LOC128462377: variants seen among roughly 807,000 people sequenced by gnomAD.
the LOC128462377 span, among the ~76,000 whole-genome samples, chr16:89,402,688 G>C: frequency 1.1e-4 from 17 of 149,744 alleles, no homozygotes; most frequent in Non-Finnish European, 1.8e-4. Flanking sequence ...TGCGGGAGGA[G>C]GTGAGGTGGC....
chr16:89,381,067 C>G, the LOC128462377 span, among the ~76,000 whole-genome samples: 1 of 152,100 alleles, frequency 6.6e-6, no homozygotes, highest in Admixed American at 6.5e-5. Flanking sequence ...TCAGGCCTGT[C>G]ATCCCAGCAC....
At chr16:89,329,489 C>T in the LOC128462377 span, among the ~76,000 whole-genome samples, 794 of 152,224 alleles carry the variant, frequency 5.2e-3, 5 homozygotes, top group African/African-American at 0.018. Flanking sequence ...GTTTCCCCAA[C>T]GGTATACGTT....
chr16:89,382,521 T>C, the LOC128462377 span, among the ~76,000 whole-genome samples: 5 of 151,902 alleles, frequency 3.3e-5, no homozygotes, highest in Non-Finnish European at 5.9e-5. Flanking sequence ...GAGACGGGAT[T>C]TCACCATGTT....
the LOC128462377 span, among the ~76,000 whole-genome samples, chr16:89,334,164 A>C: frequency 6.9e-6 from 1 of 144,830 alleles, no homozygotes; most frequent in Non-Finnish European, 1.5e-5. Context: ...AAAAAAAAAA[A>C]AAAAAAAAAC....
At chr16:89,356,713 C>T in the LOC128462377 span, among the ~76,000 whole-genome samples, 2 of 145,018 alleles carry the variant, frequency 1.4e-5, no homozygotes, top group South Asian at 4.3e-4. Flanking sequence ...CCCGGGAGGC[C>T]GAGCTTGCAG....
chr16:89,380,164 G>A, the LOC128462377 span, among the ~76,000 whole-genome samples: 11 of 152,230 alleles, frequency 7.2e-5, no homozygotes, highest in East Asian at 2.1e-3. Flanking sequence ...CCAGGCTGGA[G>A]AGCGATGGCG....
chr16:89,412,697 C>G, the LOC128462377 span: 1 of 151,810 alleles, frequency 6.6e-6, no homozygotes. Flanking sequence ...CCCTCAGATA[C>G]AAAAACATAG....
chr16:89,377,490 G>C, the LOC128462377 span, among the ~76,000 whole-genome samples: 3 of 152,098 alleles, frequency 2.0e-5, no homozygotes, highest in African/African-American at 7.2e-5. Context: ...AGGAGGGCTG[G>C]GGGGCGGGGA....
the LOC128462377 span, among the ~76,000 whole-genome samples, chr16:89,349,379 C>G: frequency 1.3e-5 from 2 of 151,766 alleles, no homozygotes; most frequent in African/African-American, 4.8e-5. Context: ...ACTTGGAAGG[C>G]TGAGGCAGGA....
At chr16:89,391,660 A>C in the LOC128462377 span, among the ~76,000 whole-genome samples, 39 of 152,190 alleles carry the variant, frequency 2.6e-4, no homozygotes, top group Admixed American at 2.6e-3. Flanking sequence ...CAAACTCAGT[A>C]ATGATTTTAA....
the LOC128462377 span, among the ~76,000 whole-genome samples, chr16:89,396,822 G>A: frequency 2.0e-5 from 3 of 152,170 alleles, no homozygotes; most frequent in African/African-American, 4.8e-5. Context: ...GAGTAGCTGG[G>A]ACTACAGGTG....
the LOC128462377 span, among the ~76,000 whole-genome samples, chr16:89,318,650 G>A: frequency 5.3e-5 from 8 of 152,208 alleles, no homozygotes; most frequent in South Asian, 1.7e-3. Context: ...GCCCCTGGAC[G>A]CAGGCTTGGC....
At chr16:89,416,591 C>T in the LOC128462377 span, among the ~76,000 whole-genome samples, 2 of 152,040 alleles carry the variant, frequency 1.3e-5, no homozygotes, top group Admixed American at 6.5e-5. Flanking sequence ...AGCCACTGTG[C>T]CTGGCCACTA....
the LOC128462377 span, among the ~76,000 whole-genome samples, chr16:89,389,759 C>CGA: frequency 7.2e-6 from 1 of 138,630 alleles, no homozygotes; most frequent in South Asian, 2.4e-4. Flanking sequence ...CGGGGAGCAC[C>CGA]GAGAGAGAAG....
At chr16:89,365,566 G>A in the LOC128462377 span, among the ~76,000 whole-genome samples, 9 of 152,178 alleles carry the variant, frequency 5.9e-5, no homozygotes, top group African/African-American at 2.2e-4. Flanking sequence ...ATATTTCCAA[G>A]CTCTTATGTC....
At chr16:89,396,331 G>C in the LOC128462377 span, among the ~76,000 whole-genome samples, 2 of 152,256 alleles carry the variant, frequency 1.3e-5, no homozygotes, top group African/African-American at 4.8e-5. Context: ...GTCACCTCCA[G>C]ATGTGGACAC....
chr16:89,365,759 T>C, the LOC128462377 span, among the ~76,000 whole-genome samples: 1 of 152,250 alleles, frequency 6.6e-6, no homozygotes. Flanking sequence ...GTTTGTTACG[T>C]AGGTAAACTT....
the LOC128462377 span, among the ~76,000 whole-genome samples, chr16:89,365,425 C>T: frequency 1.3e-5 from 2 of 152,220 alleles, no homozygotes; most frequent in Admixed American, 1.3e-4. Context: ...AGCCACTGAG[C>T]CCAACCAGGG....
chr16:89,369,761 C>T, the LOC128462377 span, among the ~76,000 whole-genome samples: 1 of 152,182 alleles, frequency 6.6e-6, no homozygotes, highest in Non-Finnish European at 1.5e-5. Flanking sequence ...AAACAGCTGT[C>T]TAAGACCAGA....
Sources: gnomAD v4.1 joint callset for allele counts (sites outside exome capture counted in the v4.1 genomes callset) on GRCh38, gnomAD v4.1.1 for gene constraint, MANE v1.5 for transcripts.